KCNN2: variants seen among roughly 807,000 people sequenced by gnomAD.
The protein encoded by KCNN2 is small conductance calcium-activated potassium channel protein 2.
Under a neutral mutation model 55.5 loss-of-function variants are expected in KCNN2, and 24 were observed. That is an observed-to-expected ratio of 0.43 (90% CI 0.31 to 0.61). The LOEUF is 0.61. Among genes scored for constraint, KCNN2 ranks in the 20% least tolerant of loss-of-function variants. The pLI, the probability that KCNN2 is intolerant of heterozygous loss-of-function variation, is 0.08. For synonymous variants in KCNN2, 431 were observed against 336.1 expected (o/e 1.28, Z -3.09); for missense variants, 754 against 853.6 (o/e 0.88, Z 1.45).
intron 1 of KCNN2, among the ~76,000 whole-genome samples, chr5:114,129,421 C>T (rs1752003676): frequency 6.6e-6 from 1 of 151,770 alleles, no homozygotes; most frequent in Non-Finnish European, 1.5e-5. Flanking sequence ...GATTAGCTGC[C>T]ACTGACGCTC....
chr5:114,259,911 A>G (rs1388521102), intron 2 of KCNN2, among the ~76,000 whole-genome samples: 3 of 152,262 alleles, frequency 2.0e-5, no homozygotes, highest in Middle Eastern at 3.4e-3. Context: ...CTTCTTTCTG[A>G]GGAGAATTGG....
intron 2 of KCNN2, among the ~76,000 whole-genome samples, chr5:114,272,926 G>A (rs549806604): frequency 7.9e-5 from 12 of 152,100 alleles, no homozygotes; most frequent in African/African-American, 2.4e-4. Flanking sequence ...TGTACAGAAT[G>A]TGCAGTTTCG....
chr5:114,131,555 A>C (rs1376069681), intron 1 of KCNN2, among the ~76,000 whole-genome samples: 1 of 152,154 alleles, frequency 6.6e-6, no homozygotes, highest in Non-Finnish European at 1.5e-5. Flanking sequence ...GATTGATTCC[A>C]TGTCTTTGCT....
At chr5:114,288,520 A>ACACACACG (rs1260818262) in intron 2 of KCNN2, among the ~76,000 whole-genome samples, 3 of 151,540 alleles carry the variant, frequency 2.0e-5, no homozygotes, top group Non-Finnish European at 4.4e-5. Flanking sequence ...ACACACACAC[A>ACACACACG]CACACACACA....
At chr5:114,179,345 T>C (rs1280737590) in intron 1 of KCNN2, among the ~76,000 whole-genome samples, 1 of 152,206 alleles carries the variant, frequency 6.6e-6, no homozygotes, top group Non-Finnish European at 1.5e-5. Context: ...CCTTTCCACA[T>C]GTGCTTCTCC....
At chr5:114,080,904 G>A (rs768667533) in intron 1 of KCNN2, among the ~76,000 whole-genome samples, 12 of 152,136 alleles carry the variant, frequency 7.9e-5, no homozygotes, top group Non-Finnish European at 1.2e-4. Context: ...TCTGTTCAGA[G>A]ATGGTATGAT....
At chr5:114,488,103 T>C (rs1372638274) in intron 6 of KCNN2, among the ~76,000 whole-genome samples, 4 of 152,172 alleles carry the variant, frequency 2.6e-5, no homozygotes, top group South Asian at 4.1e-4. Flanking sequence ...TAACATTCTA[T>C]AGGAAATTAC....
At chr5:114,155,766 G>T (rs891064565) in intron 1 of KCNN2, among the ~76,000 whole-genome samples, 2 of 152,116 alleles carry the variant, frequency 1.3e-5, no homozygotes, top group African/African-American at 4.8e-5. Flanking sequence ...GTTCCTTTGA[G>T]ATGCTGGATA....
At chr5:114,451,037 T>C (rs561885002) in intron 3 of KCNN2, among the ~76,000 whole-genome samples, 3 of 152,252 alleles carry the variant, frequency 2.0e-5, no homozygotes, top group African/African-American at 7.2e-5. Flanking sequence ...TGTGTTCTTA[T>C]AGGTTTTTAA....
chr5:114,092,158 G>T (rs1437478975), intron 1 of KCNN2, among the ~76,000 whole-genome samples: 1 of 152,188 alleles, frequency 6.6e-6, no homozygotes, highest in South Asian at 2.1e-4. Flanking sequence ...GAGCGGGGGT[G>T]GGTACAGGCA....
intron 1 of KCNN2, among the ~76,000 whole-genome samples, chr5:114,129,756 C>G (rs1411185291): frequency 6.6e-6 from 1 of 152,212 alleles, no homozygotes; most frequent in African/African-American, 2.4e-5. Flanking sequence ...GGTCAATAAT[C>G]TTGGCCATTG....
chr5:114,171,243 A>C (rs1753025921), intron 1 of KCNN2, among the ~76,000 whole-genome samples: 1 of 152,040 alleles, frequency 6.6e-6, no homozygotes, highest in Non-Finnish European at 1.5e-5. Context: ...TGGAGGCCAC[A>C]TTAGATATTA....
intron 1 of KCNN2, among the ~76,000 whole-genome samples, chr5:114,210,113 CA>C (rs1753853184): frequency 6.6e-6 from 1 of 152,072 alleles, no homozygotes. Context: ...ATAGTTTTTG[CA>C]TTTTTGTGCT....
chr5:114,100,479 T>C (rs1354749153), intron 1 of KCNN2, among the ~76,000 whole-genome samples: 1 of 152,126 alleles, frequency 6.6e-6, no homozygotes, highest in Non-Finnish European at 1.5e-5. Context: ...TGGAAACCAG[T>C]GTTCTCACTG....
intron 2 of KCNN2, among the ~76,000 whole-genome samples, chr5:114,384,207 T>G (rs1412754849): frequency 6.6e-6 from 1 of 152,232 alleles, no homozygotes; most frequent in African/African-American, 2.4e-5. Flanking sequence ...ACTTATGATA[T>G]TCAAACACTT....
At chr5:114,295,417 C>T (rs552741917) in intron 2 of KCNN2, among the ~76,000 whole-genome samples, 2 of 152,298 alleles carry the variant, frequency 1.3e-5, no homozygotes, top group South Asian at 2.1e-4. Flanking sequence ...GCACCCCTCC[C>T]CCAGCCTCGC....
intron 1 of KCNN2, among the ~76,000 whole-genome samples, chr5:114,083,207 T>C (rs1230164638): frequency 6.6e-6 from 1 of 152,096 alleles, no homozygotes; most frequent in Non-Finnish European, 1.5e-5. Flanking sequence ...AGGTTTATTC[T>C]TTGAAAATTT....
intron 1 of KCNN2, among the ~76,000 whole-genome samples, chr5:114,147,088 C>T (rs1292106391): frequency 6.6e-6 from 1 of 152,112 alleles, no homozygotes; most frequent in Non-Finnish European, 1.5e-5. Flanking sequence ...GCTTTTTGAG[C>T]AGAAGTGTAT....
At chr5:114,165,426 C>T (rs535835928) in intron 1 of KCNN2, among the ~76,000 whole-genome samples, 22 of 152,230 alleles carry the variant, frequency 1.4e-4, no homozygotes, top group South Asian at 1.2e-3. Context: ...TATGATCTTA[C>T]GGCCACTTTG....
Sources: allele counts gnomAD v4.1 joint callset (sites outside exome capture counted in the v4.1 genomes callset), GRCh38; gene constraint gnomAD v4.1.1; transcripts MANE v1.5; gene names NCBI Gene and HGNC (gene_info 2026-07-23, HGNC 2026-07-21).